Variants in ZCWPW2 observed in about 807,000 individuals in gnomAD.
ZCWPW2 encodes zinc finger CW-type PWWP domain protein 2.
ZCWPW2 carries 45 observed loss-of-function variants against 46.6 expected under a neutral mutation model. That is an observed-to-expected ratio of 0.96 (90% CI 0.76 to 1.24). ZCWPW2 has a LOEUF of 1.24. ZCWPW2 is among the 50% of genes most tolerant of loss of function. The pLI is 0.00. For synonymous variants in ZCWPW2, 152 were observed against 137.1 expected, an observed-to-expected ratio of 1.11 and a Z score of -0.76; for missense variants, 429 against 403.9, an observed-to-expected ratio of 1.06 and a Z score of -0.53.
chr3:28,398,661 C>T (rs1198239078), intron 2 of ZCWPW2, among the ~76,000 whole-genome samples: 1 of 152,184 alleles, frequency 6.6e-6, no homozygotes, highest in Admixed American at 6.5e-5. Context: ...CCCCCAAATA[C>T]ACACCCCCAT....
At chr3:28,410,223 T>G (rs892230987) in intron 2 of ZCWPW2, among the ~76,000 whole-genome samples, 1 of 152,064 alleles carries the variant, frequency 6.6e-6, no homozygotes, top group African/African-American at 2.4e-5. Flanking sequence ...CCTGACAAAA[T>G]TATGGGGATA....
intron 1 of ZCWPW2, among the ~76,000 whole-genome samples, chr3:28,354,295 A>T (rs1404971910): frequency 6.6e-6 from 1 of 150,916 alleles, no homozygotes; most frequent in East Asian, 1.9e-4. Flanking sequence ...CCCTCCCAAG[A>T]CTAAACCAGG....
chr3:28,421,166 G>A (rs1352151115), intron 3 of ZCWPW2, among the ~76,000 whole-genome samples: 1 of 152,144 alleles, frequency 6.6e-6, no homozygotes, highest in African/African-American at 2.4e-5. Context: ...GATTTCCAAG[G>A]GAGGGAAGGG....
intron 3 of ZCWPW2, among the ~76,000 whole-genome samples, chr3:28,426,290 G>C (rs1212442296): frequency 4.6e-5 from 7 of 151,626 alleles, no homozygotes; most frequent in African/African-American, 1.7e-4. Flanking sequence ...GCTAGGAAGA[G>C]TCTGGACTCT....
chr3:28,375,708 T>C (rs1705479280), intron 1 of ZCWPW2, among the ~76,000 whole-genome samples: 1 of 151,422 alleles, frequency 6.6e-6, no homozygotes, highest in Admixed American at 6.6e-5. Flanking sequence ...CCTATTGTGC[T>C]GTCAAATAGT....
intron 2 of ZCWPW2, among the ~76,000 whole-genome samples, chr3:28,398,794 C>T (rs1247808102): frequency 6.6e-6 from 1 of 152,130 alleles, no homozygotes; most frequent in African/African-American, 2.4e-5. Flanking sequence ...TGTGAGCTCG[C>T]TGGGTCCCCT....
chr3:28,443,755 C>T (rs1396907885), intron 4 of ZCWPW2, among the ~76,000 whole-genome samples: 1 of 152,168 alleles, frequency 6.6e-6, no homozygotes, highest in Non-Finnish European at 1.5e-5. Flanking sequence ...ACTGTTAGAT[C>T]TGACATACAG....
chr3:28,359,475 T>C (rs1704858274), intron 1 of ZCWPW2, among the ~76,000 whole-genome samples: 1 of 152,086 alleles, frequency 6.6e-6, no homozygotes, highest in African/African-American at 2.4e-5. Context: ...GTGTCTTTGA[T>C]TTCATGGATA....
At chr3:28,381,323 G>A (rs1056641718) in intron 1 of ZCWPW2, among the ~76,000 whole-genome samples, 39 of 151,450 alleles carry the variant, frequency 2.6e-4, no homozygotes, top group Admixed American at 5.3e-4. Flanking sequence ...TATATCTGTT[G>A]TATACTGTAT....
chr3:28,409,930 T>C (rs1696332577), intron 2 of ZCWPW2, among the ~76,000 whole-genome samples: 2 of 152,188 alleles, frequency 1.3e-5, no homozygotes, highest in African/African-American at 2.4e-5. Flanking sequence ...ATCCCAACTA[T>C]ATATTGTTTA....
At chr3:28,499,496 T>C (rs1321830572) in intron 6 of ZCWPW2, among the ~76,000 whole-genome samples, 1 of 152,142 alleles carries the variant, frequency 6.6e-6, no homozygotes, top group African/African-American at 2.4e-5. Flanking sequence ...GATGTGGTTG[T>C]TTGGTTTTTT....
chr3:28,445,848 G>A (rs73825164), intron 4 of ZCWPW2, among the ~76,000 whole-genome samples: 3,982 of 152,132 alleles, frequency 0.026, 152 homozygotes, highest in African/African-American at 0.085. Context: ...GAGAAAAGAT[G>A]TTCCGTGCAA....
At chr3:28,497,741 C>A (rs1167329644) in intron 6 of ZCWPW2, among the ~76,000 whole-genome samples, 1 of 152,028 alleles carries the variant, frequency 6.6e-6, no homozygotes, top group African/African-American at 2.4e-5. Context: ...TCCTAAGTGC[C>A]TATTTTGATT....
intron 5 of ZCWPW2, among the ~76,000 whole-genome samples, chr3:28,486,731 C>A (rs1482674303): frequency 6.6e-6 from 1 of 151,922 alleles, no homozygotes; most frequent in Non-Finnish European, 1.5e-5. Context: ...AAAAATTAGC[C>A]AGGTATTCAT....
intron 1 of ZCWPW2, among the ~76,000 whole-genome samples, chr3:28,351,372 C>G (rs1405587766): frequency 6.6e-6 from 1 of 151,250 alleles, no homozygotes; most frequent in Non-Finnish European, 1.5e-5. Context: ...GGACATGATA[C>G]TGGCCGAGAC....
At chr3:28,518,586 G>A (rs760062268) in intron 8 of ZCWPW2, among the ~76,000 whole-genome samples, 2 of 152,120 alleles carry the variant, frequency 1.3e-5, no homozygotes, top group African/African-American at 2.4e-5. Flanking sequence ...GTCTAATTTT[G>A]ATCAAAAGGC....
At chr3:28,470,983 T>A (rs1225681096) in intron 4 of ZCWPW2, among the ~76,000 whole-genome samples, 1 of 152,114 alleles carries the variant, frequency 6.6e-6, no homozygotes, top group Non-Finnish European at 1.5e-5. Flanking sequence ...AGCAACTATA[T>A]GCCAATAAAT....
At chr3:28,356,821 AG>A (rs1369971233) in intron 1 of ZCWPW2, among the ~76,000 whole-genome samples, 1 of 152,162 alleles carries the variant, frequency 6.6e-6, no homozygotes, top group East Asian at 1.9e-4. Flanking sequence ...ACTTGGACAC[AG>A]GGTAGGGAAC....
At chr3:28,352,077 C>T (rs1036225816) in intron 1 of ZCWPW2, among the ~76,000 whole-genome samples, 3 of 151,770 alleles carry the variant, frequency 2.0e-5, no homozygotes, top group Non-Finnish European at 4.4e-5. Flanking sequence ...TCTCCTTCCC[C>T]CGTCTCCTTT....
Sources: allele counts gnomAD v4.1 joint callset (sites outside exome capture counted in the v4.1 genomes callset), GRCh38; gene constraint gnomAD v4.1.1; transcripts MANE v1.5; gene names NCBI Gene and HGNC (gene_info 2026-07-23, HGNC 2026-07-21).